ABCC4: variants seen among roughly 807,000 people sequenced by gnomAD.
The protein encoded by ABCC4 is ATP binding cassette subfamily C member 4 (PEL blood group).
A neutral mutation model predicts 168.5 loss-of-function variants in ABCC4; 102 were observed. The observed-to-expected ratio is 0.61, with a 90% CI of 0.52 to 0.71. ABCC4 has a LOEUF of 0.71. ABCC4 is among the 30% of genes least tolerant of loss of function. ABCC4 has a pLI of 0.00. For synonymous variants in ABCC4, 617 were observed against 590.7 expected (o/e 1.04, Z -0.65); for missense variants, 1,402 against 1,605.8 (o/e 0.87, Z 2.17).
chr13:95,048,186 A>C (rs1429477471), intron 27 of ABCC4, among the ~76,000 whole-genome samples: 1 of 152,262 alleles, frequency 6.6e-6, no homozygotes, highest in Non-Finnish European at 1.5e-5. Context: ...ATACTTTAAA[A>C]TATAGAAAAC....
At chr13:95,222,174 C>T (rs1436248335) in intron 4 of ABCC4, among the ~76,000 whole-genome samples, 1 of 152,098 alleles carries the variant, frequency 6.6e-6, no homozygotes, top group Non-Finnish European at 1.5e-5. Context: ...ACAACCACAC[C>T]CTATACTGTA....
intron 1 of ABCC4, among the ~76,000 whole-genome samples, chr13:95,286,679 G>A (rs780794376): frequency 5.9e-5 from 9 of 152,018 alleles, no homozygotes; most frequent in Non-Finnish European, 1.2e-4. Flanking sequence ...GTATAAGGCC[G>A]GGCGCGGAGG....
Position 95,126,252 on chromosome 13 carries a change from G to C in ABCC4, c.2456-10251C>G, listed in dbSNP as rs1054768434. Among the ~76,000 whole-genome samples, 5 of 152,204 alleles carry C rather than the reference G, an allele frequency of 3.3e-5. No individual in the cohort carries two copies. The South Asian group carries it at 1.0e-3, about 32-fold the overall frequency. ...ATCTCCAAAAGAATGACTATTGGAG[G>C]GGTAAAAACAAGGGCCTAGACATAC... On this transcript the variant is annotated intron_variant, in intron 19 of 30. Transcript: ENST00000645237.
chr13:95,072,868 G>A (rs1445625669), intron 24 of ABCC4, among the ~76,000 whole-genome samples: 1 of 152,062 alleles, frequency 6.6e-6, no homozygotes, highest in East Asian at 1.9e-4. Flanking sequence ...CAGGAATGAG[G>A]AATTACCCGT....
chr13:95,062,967 C>A, intron 25 of ABCC4, 108 bp from the exon 26 acceptor site: 2 of 1,270,480 alleles, frequency 1.6e-6, no homozygotes, highest in South Asian at 1.5e-5. Context: ...TAAGGACATT[C>A]TATATTGAGT....
rs1394558793 is a variant in ABCC4, at chr13:95,117,940, T to TA, written c.2456-1940dup. 6.6e-5 allele frequency among the ~76,000 whole-genome samples: 10 copies of TA among 151,958 alleles called. 1 individual carries two copies. Among genetic ancestry groups the TA allele is most frequent in the Admixed American group, 3.3e-4 (5 of 15,256 alleles). On this transcript the variant is annotated intron_variant, in intron 19 of 30. Coordinates refer to ENST00000645237, the MANE Select transcript of ABCC4 (RefSeq NM_005845.5). ...CAAAAAAGAAAAGAAGAAAAAAAGATAAAAAGGCTACATAAATCATTAGTA... is the reference window on the plus strand; with the variant it reads ...CAAAAAAGAAAAGAAGAAAAAAAGATAAAAAAGGCTACATAAATCATTAGTA...
intron 27 of ABCC4, among the ~76,000 whole-genome samples, chr13:95,050,741 C>T (rs1466427696): frequency 6.6e-6 from 1 of 152,132 alleles, no homozygotes; most frequent in Non-Finnish European, 1.5e-5. Flanking sequence ...TCTTGAGAGG[C>T]TACTAAATTT....
intron 3 of ABCC4, among the ~76,000 whole-genome samples, chr13:95,236,102 G>A (rs533456053): frequency 6.6e-6 from 1 of 152,180 alleles, no homozygotes; most frequent in East Asian, 1.9e-4. Context: ...TTTGAGGTAA[G>A]CAAAGGAGCT....
At chr13:95,086,976 A>G (rs1222430970) in intron 20 of ABCC4, among the ~76,000 whole-genome samples, 1 of 152,184 alleles carries the variant, frequency 6.6e-6, no homozygotes, top group Non-Finnish European at 1.5e-5. Context: ...CTAAGCTGTG[A>G]TAAGTACAAA....
chr13:95,086,267 A>G (rs1307995534), intron 20 of ABCC4, among the ~76,000 whole-genome samples: 1 of 152,196 alleles, frequency 6.6e-6, no homozygotes, highest in Non-Finnish European at 1.5e-5. Context: ...TTGATTTAAG[A>G]ATTATTGTTT....
chr13:95,232,089 A>G (rs1024366245), intron 4 of ABCC4, among the ~76,000 whole-genome samples: 1 of 150,896 alleles, frequency 6.6e-6, no homozygotes, highest in Non-Finnish European at 1.5e-5. Flanking sequence ...GTACAGGAGA[A>G]TAACACAGAT....
At chr13:95,160,686 G>A (rs2037069139) in intron 19 of ABCC4, among the ~76,000 whole-genome samples, 1 of 152,184 alleles carries the variant, frequency 6.6e-6, no homozygotes, top group Non-Finnish European at 1.5e-5. Context: ...AAACCTCACA[G>A]TCAGGGTATG....
At chr13:95,199,419 C>T (rs1201411336) in intron 8 of ABCC4, among the ~76,000 whole-genome samples, 1 of 152,210 alleles carries the variant, frequency 6.6e-6, no homozygotes, top group Non-Finnish European at 1.5e-5. Flanking sequence ...ACCAGGCAGA[C>T]CCCATCAGTG....
chr13:95,241,874 T>C (rs1594363954), intron 3 of ABCC4, among the ~76,000 whole-genome samples: 1 of 152,220 alleles, frequency 6.6e-6, no homozygotes, highest in East Asian at 1.9e-4. Flanking sequence ...TAGTTAAGAG[T>C]ATATGGCTAG....
chr13:95,092,773 GATAA>G lies in ABCC4; in HGVS notation c.2536-9487_2536-9484del, dbSNP rs540579351. On this transcript the variant is annotated intron_variant, in intron 20 of 30. Coordinates refer to ENST00000645237, the MANE Select transcript of ABCC4 (RefSeq NM_005845.5). ...GAAACAACAACAACAAAACACAAAA[GATAA>G]ATAAAACAAAAAGCTGGTTTTTTGA... Among the ~76,000 whole-genome samples the G allele has an allele frequency of 1.8e-4, 28 of 152,074 alleles. No individual in the cohort carries two copies. The South Asian group carries it at 5.0e-3, about 27-fold the overall frequency.
chr13:95,249,948 C>T (rs142673715), intron 1 of ABCC4, among the ~76,000 whole-genome samples: 1 of 152,210 alleles, frequency 6.6e-6, no homozygotes, highest in African/African-American at 2.4e-5. Context: ...TCAGAAGAGA[C>T]CCAAAGCTTC....
At chr13:95,038,596 G>T (rs1168368769) in intron 29 of ABCC4, among the ~76,000 whole-genome samples, 1 of 152,094 alleles carries the variant, frequency 6.6e-6, no homozygotes, top group African/African-American at 2.4e-5. Context: ...GAGGACCGTG[G>T]TCATTCCAGA....
chr13:95,278,753 A>G (rs2041034767), intron 1 of ABCC4, among the ~76,000 whole-genome samples: 1 of 134,160 alleles, frequency 7.5e-6, no homozygotes, highest in African/African-American at 2.7e-5. Context: ...GCAGTGAGCT[A>G]TGATCGCACC....
intron 21 of ABCC4, among the ~76,000 whole-genome samples, chr13:95,078,907 A>T (rs1014568690): frequency 1.3e-5 from 2 of 152,154 alleles, no homozygotes; most frequent in African/African-American, 4.8e-5. Context: ...TCATCAGGAG[A>T]TCCAAGTCGC....
Sources: gnomAD v4.1 joint callset for allele counts (sites outside exome capture counted in the v4.1 genomes callset) on GRCh38, gnomAD v4.1.1 for gene constraint, MANE v1.5 for transcripts, NCBI Gene and HGNC (gene_info 2026-07-23, HGNC 2026-07-21) for gene names.